SMOX: variants seen among roughly 807,000 people sequenced by gnomAD.
SMOX encodes spermine oxidase.
Under a neutral mutation model 51.0 loss-of-function variants are expected in SMOX, and 22 were observed. That is an observed-to-expected ratio of 0.43 (90% CI 0.31 to 0.62). SMOX has a LOEUF of 0.62. Ranked by LOEUF, SMOX falls within the 20% of genes least tolerant of loss-of-function variation. The pLI, the probability that SMOX is intolerant of heterozygous loss-of-function variation, is 0.10. For synonymous variants in SMOX, 282 were observed against 307.8 expected (o/e 0.92, Z 0.88); for missense variants, 566 against 777.7 (o/e 0.73, Z 3.24).
chr20:4,155,415 T>TG (rs11480717), intron 1 of SMOX, among the ~76,000 whole-genome samples: 41,001 of 150,552 alleles, frequency 0.27, 6,101 homozygotes, highest in Non-Finnish European at 0.32. Context: ...TACGTGGGAG[T>TG]GGGGGGGGCC....
At chr20:4,178,236 A>T (rs896123178) in intron 3 of SMOX, among the ~76,000 whole-genome samples, 1 of 152,054 alleles carries the variant, frequency 6.6e-6, no homozygotes, top group East Asian at 1.9e-4. Flanking sequence ...ATGGGGTTTC[A>T]CCATGTTGTT....
Position 4,172,547 on chromosome 20 carries a change from T to G in SMOX, c.-26-2483T>G. Among the ~76,000 whole-genome samples, 2 of 150,482 alleles carry G rather than the reference T, an allele frequency of 1.3e-5. No individual in the cohort carries two copies. The highest frequency in any genetic ancestry group is 1.5e-5 in the Non-Finnish European group (1 of 67,632). On this transcript the variant is annotated intron_variant, in intron 1 of 6. Coordinates refer to ENST00000305958, the MANE Select transcript of SMOX (RefSeq NM_175839.3). This position sits in a 1 kb window ranked among gnomAD's most constrained non-coding sequence, Gnocchi z 7.7. ...GGGCGAGGGAGGAGAGGGACGGGAG[T>G]CAGAGGACAGAGGCGGGGAGGAGGA...
chr20:4,150,545 C>T (rs573206545), intron 1 of SMOX, among the ~76,000 whole-genome samples: 95 of 152,304 alleles, frequency 6.2e-4, no homozygotes, highest in Non-Finnish European at 1.2e-3. Flanking sequence ...TGTCCGTAGC[C>T]GCTTCTCTCT....
rs1324261610 is a variant in SMOX, at chr20:4,149,955, C to T, written c.-27+978C>T. Among the ~76,000 whole-genome samples, 2 of 152,162 alleles carry T rather than the reference C, an allele frequency of 1.3e-5. No individual in the cohort carries two copies. The highest frequency in any genetic ancestry group is 2.4e-5 in the African/African-American group (1 of 41,438). ...GTGAAGCCCCCACATTTGCATTCGGCCACCACTGCCCCCTGGCCTCTTGTT... is the reference window on the plus strand; with the variant it reads ...GTGAAGCCCCCACATTTGCATTCGGTCACCACTGCCCCCTGGCCTCTTGTT... On this transcript the variant is annotated intron_variant, in intron 1 of 6. Coordinates refer to ENST00000305958, the MANE Select transcript of SMOX (RefSeq NM_175839.3). The surrounding 1 kb of genome is among the most constrained non-coding windows in gnomAD (Gnocchi z 6.0).
intron 1 of SMOX, among the ~76,000 whole-genome samples, chr20:4,150,784 C>T (rs1164025640): frequency 2.6e-5 from 4 of 151,172 alleles, no homozygotes; most frequent in Admixed American, 2.6e-4. Context: ...TGGCACTCCC[C>T]AGGCCTTCCC....
At chr20:4,178,905 A>G (rs898498571) in intron 3 of SMOX, among the ~76,000 whole-genome samples, 1 of 151,846 alleles carries the variant, frequency 6.6e-6, no homozygotes, top group South Asian at 2.1e-4. Context: ...CTGGTCTCGA[A>G]CTCCTGACCT....
intron 2 of SMOX, among the ~76,000 whole-genome samples, chr20:4,176,719 C>T (rs967917116): frequency 6.6e-6 from 1 of 152,132 alleles, no homozygotes; most frequent in African/African-American, 2.4e-5. Context: ...GACCTAGTTC[C>T]CAGGCCATCC....
rs114897412 is a variant in SMOX, at chr20:4,182,190, G to T, written c.711G>T (p.Ser237=). Residue 237 remains serine, a synonymous_variant, in exon 5 of 7, where the codon TCG becomes TCT. Coordinates refer to ENST00000305958, the MANE Select transcript of SMOX (RefSeq NM_175839.3). This position sits in a 1 kb window ranked among gnomAD's most constrained non-coding sequence, Gnocchi z 8.4. ...CCGGCGCTCACCACATCATCCCCTCGGGCTTCATGCGGGTTGTGGAGCTGC... is the reference window on the plus strand; with the variant it reads ...CCGGCGCTCACCACATCATCCCCTCTGGCTTCATGCGGGTTGTGGAGCTGC... ...EIPGAHHIIP[S]GFMRVVELLA... The T allele has an allele frequency of 4.2e-3, 6,828 of 1,613,516 alleles. 245 individuals carry two copies. In the African/African-American group the frequency reaches 0.08, roughly 19 times the overall value.
rs1978469531 is a variant in SMOX at position 4,172,400 on chromosome 20, C to T, written c.-26-2630C>T. ...ACCCTCCCCGCCCGCCCCGTGCAGG[C>T]GGCCACATCCTCACCTCTAAATTTA... On this transcript the variant is annotated intron_variant, in intron 1 of 6. Transcript: ENST00000305958. This position sits in a 1 kb window ranked among gnomAD's most constrained non-coding sequence, Gnocchi z 7.7. 2.0e-5 allele frequency among the ~76,000 whole-genome samples: 3 copies of T among 152,300 alleles called. No individual in the cohort carries two copies. In the South Asian group the frequency reaches 6.2e-4, roughly 32 times the overall value.
rs139432235 is a variant in SMOX at position 4,182,739 on chromosome 20, C to A, written c.1260C>A (p.Tyr420Ter). The change falls in exon 5 of 7, where the codon TAC becomes TAA. Residue 420 changes from tyrosine to a stop codon, truncating the protein, a stop_gained. Coordinates refer to ENST00000305958, the MANE Select transcript of SMOX (RefSeq NM_175839.3). LOFTEE classifies it high-confidence loss of function. This position sits in a 1 kb window ranked among gnomAD's most constrained non-coding sequence, Gnocchi z 8.4. Reference protein sequence around the residue: ...GFDVLYPPERYGHVLSGWICG... With the variant: ...GFDVLYPPER ...ATGTCCTCTACCCGCCTGAGCGCTA[C>A]GGCCATGTGCTGAGCGGCTGGATCT... 6.2e-7 allele frequency: 1 copy of A among 1,614,202 alleles called. No homozygotes were observed. The highest frequency in any genetic ancestry group is 8.5e-7 in the Non-Finnish European group (1 of 1,180,046).
Position 4,183,460 on chromosome 20 carries a change from C to T in SMOX, c.1370-34C>T. On this transcript the variant is annotated intron_variant, in intron 5 of 6. Transcript: ENST00000305958. The surrounding 1 kb of genome is among the most constrained non-coding windows in gnomAD (Gnocchi z 4.3). ...CTTCCATATGCAGCCATTTCTTATC[C>T]TCCCTCCTCTTGGCTTTTCTGACTC... 1.2e-6 allele frequency: 2 copies of T among 1,614,060 alleles called. No individual in the cohort carries two copies. The highest frequency in any genetic ancestry group is 1.7e-6 in the Non-Finnish European group (2 of 1,179,984).
intron 1 of SMOX, among the ~76,000 whole-genome samples, chr20:4,168,113 C>CAG (rs1568736834): frequency 1.0e-4 from 1 of 9,632 alleles, no homozygotes; most frequent in Non-Finnish European, 1.7e-4. Context: ...TGAGAAAGAG[C>CAG]GGGGTAGGGG....
Position 4,182,034 on chromosome 20 carries a change from C to A in SMOX, c.610-55C>A. The stretch of plus-strand genomic sequence containing the variant: ...TGGGTCTGAGGAGGGCTACGCTGCT[C>A]CTACCCCTGCCCAACCCCGGCGGTC... On this transcript the variant is annotated intron_variant, in intron 4 of 6. Transcript: ENST00000305958. The surrounding 1 kb of genome is among the most constrained non-coding windows in gnomAD (Gnocchi z 8.4). 1 of 1,594,004 alleles carries A rather than the reference C, an allele frequency of 6.3e-7. No homozygotes were observed. Among genetic ancestry groups the A allele is most frequent in the East Asian group, 2.2e-5 (1 of 44,580 alleles).
intron 1 of SMOX, among the ~76,000 whole-genome samples, chr20:4,168,940 A>AT: frequency 7.3e-6 from 1 of 136,690 alleles, no homozygotes; most frequent in Non-Finnish European, 1.5e-5. Flanking sequence ...ATTTTATTTT[A>AT]TTTTATTTTA....
chr20:4,177,678 G>A lies in SMOX; in HGVS notation c.435+101G>A. The A allele has an allele frequency of 9.4e-7, 1 of 1,066,788 alleles. No homozygotes were observed. Among genetic ancestry groups the A allele is most frequent in the Non-Finnish European group, 1.4e-6 (1 of 736,788 alleles). 66.1% of individuals were successfully genotyped at this position (1,066,788 alleles called of 1,614,324 possible). A position where few individuals can be genotyped will look rare whatever the true frequency, so the allele number is the denominator to read the frequency against. On this transcript the variant is annotated intron_variant, in intron 3 of 6. Coordinates refer to ENST00000305958, the MANE Select transcript of SMOX (RefSeq NM_175839.3). This position sits in a 1 kb window ranked among gnomAD's most constrained non-coding sequence, Gnocchi z 4.3. Reference sequence around the variant, plus strand: ...GCACACTCCCTGGGCCTTGCATTTGGAAAACCAGGATAATGTGAGGGTAAA... The same window carrying A: ...GCACACTCCCTGGGCCTTGCATTTGAAAAACCAGGATAATGTGAGGGTAAA...
chr20:4,174,575 G>A (rs1978678335), intron 1 of SMOX, among the ~76,000 whole-genome samples: 1 of 152,144 alleles, frequency 6.6e-6, no homozygotes. Flanking sequence ...TCCAGAATCA[G>A]CAGCCCCAAG....
intron 1 of SMOX, among the ~76,000 whole-genome samples, chr20:4,165,881 CT>C (rs1986550428): frequency 6.6e-6 from 1 of 152,186 alleles, no homozygotes; most frequent in African/African-American, 2.4e-5. Flanking sequence ...TGGAGCTTGC[CT>C]ACCTCTGCAA....
chr20:4,157,186 G>A (rs1476521570), intron 1 of SMOX, among the ~76,000 whole-genome samples: 1 of 152,142 alleles, frequency 6.6e-6, no homozygotes, highest in Non-Finnish European at 1.5e-5. Flanking sequence ...CTGTGCCTCC[G>A]TTCCCTCATT....
chr20:4,180,900 G>T (rs1439063034), intron 3 of SMOX, among the ~76,000 whole-genome samples: 1 of 152,096 alleles, frequency 6.6e-6, no homozygotes, highest in African/African-American at 2.4e-5. Flanking sequence ...GAGGGGAGGG[G>T]CAGGGACTGT....
Sources: allele counts gnomAD v4.1 joint callset (sites outside exome capture counted in the v4.1 genomes callset), GRCh38; gene constraint gnomAD v4.1.1; non-coding constraint Gnocchi (gnomAD v3.1); transcripts MANE v1.5; gene names NCBI Gene and HGNC (gene_info 2026-07-23, HGNC 2026-07-21).